IGF1R: variants seen among roughly 807,000 people sequenced by gnomAD.
IGF1R encodes the protein insulin like growth factor 1 receptor.
IGF1R carries 44 observed loss-of-function variants against 144.6 expected under a neutral mutation model. The observed-to-expected ratio is 0.30, with a 90% confidence interval of 0.24 to 0.39. The LOEUF (loss-of-function observed/expected upper bound fraction) is 0.39. IGF1R is among the 10% of genes least tolerant of loss of function. The probability of loss-of-function intolerance (pLI) is 1.00; values close to 1 mark genes in which losing one functional copy is unlikely to be tolerated. For missense variants in IGF1R, 1,355 were observed against 1,833.7 expected (o/e 0.74, Z 4.77); for synonymous variants, 795 against 722.8 (o/e 1.10, Z -1.60).
intron 4 of IGF1R, 107 bp downstream of exon 4, chr15:98,897,012 A>G: frequency 9.6e-7 from 1 of 1,039,104 alleles, no homozygotes; most frequent in African/African-American, 1.6e-5. Context: ...GGGCTTAGAT[A>G]AACAACATGG....
chr15:98,669,481 A>C (rs999603885), intron 1 of IGF1R, among the ~76,000 whole-genome samples: 3 of 152,124 alleles, frequency 2.0e-5, no homozygotes, highest in Non-Finnish European at 4.4e-5. Flanking sequence ...CTTTGTTAGA[A>C]CGTTGCCCTC....
At chr15:98,858,720 CA>C (rs2011974502) in intron 2 of IGF1R, among the ~76,000 whole-genome samples, 1 of 151,612 alleles carries the variant, frequency 6.6e-6, no homozygotes, top group Non-Finnish European at 1.5e-5. Flanking sequence ...CGCAGCAAAC[CA>C]GCACAGCACT....
In IGF1R at chr15:98,686,670, A is replaced by ATT. The variant is rs201014820; in HGVS notation, c.95-20879_95-20878dup. Among the ~76,000 whole-genome samples the ATT allele has an allele frequency of 3.5e-3, 514 of 145,738 alleles. 2 individuals carry two copies. Among genetic ancestry groups the ATT allele is most frequent in the African/African-American group, 0.011 (437 of 39,632 alleles). ...TTAGCAAATATCAATGAAGTATTTA[A>ATT]TTTTTTTTTTTTTTCTTAGAGACAG... On this transcript the variant is annotated intron_variant, in intron 1 of 20. Transcript: ENST00000650285.
At chr15:98,920,674 C>T (rs2151688621) in intron 10 of IGF1R, among the ~76,000 whole-genome samples, 1 of 152,296 alleles carries the variant, frequency 6.6e-6, no homozygotes, top group South Asian at 2.1e-4. Context: ...CATGTCCTTA[C>T]CCTTCCTCCC....
chr15:98,914,844 A>G (rs529710718), intron 8 of IGF1R, among the ~76,000 whole-genome samples: 2 of 152,344 alleles, frequency 1.3e-5, no homozygotes, highest in African/African-American at 2.4e-5. Flanking sequence ...GTAAGAATGT[A>G]TCTAGGAATG....
At chr15:98,953,920 C>G (rs2016876379) in intron 20 of IGF1R, among the ~76,000 whole-genome samples, 1 of 152,196 alleles carries the variant, frequency 6.6e-6, no homozygotes, top group African/African-American at 2.4e-5. Context: ...AGTAAGCTCA[C>G]TGAGGCACAC....
chr15:98,891,239 A>G lies in IGF1R; in HGVS notation c.641-86A>G. The G allele has an allele frequency of 7.9e-7, 1 of 1,268,202 alleles. No homozygotes were observed. The highest frequency in any genetic ancestry group is 1.3e-5 in the South Asian group (1 of 79,998). The allele number at this position is 1,268,202 out of a possible 1,614,324, so 78.6% of individuals were successfully genotyped here. A position where few individuals can be genotyped will look rare whatever the true frequency, so the allele number is the denominator to read the frequency against. ...GATCTGGTGCTGGTGGTAGCAGTGAATGACCCAGAAGGATGCTGGCCAGGC... is the reference window on the plus strand; with the variant it reads ...GATCTGGTGCTGGTGGTAGCAGTGAGTGACCCAGAAGGATGCTGGCCAGGC... On this transcript the variant is annotated intron_variant, in intron 2 of 20. Transcript: ENST00000650285. This position sits in a 1 kb window ranked among gnomAD's most constrained non-coding sequence, Gnocchi z 4.7.
At chr15:98,773,485 T>G (rs770360136) in intron 2 of IGF1R, among the ~76,000 whole-genome samples, 3 of 152,162 alleles carry the variant, frequency 2.0e-5, no homozygotes, top group Non-Finnish European at 4.4e-5. Context: ...GCACAAGGAT[T>G]AACACGGAGC....
At chr15:98,757,405 C>T (rs897262875) in intron 2 of IGF1R, among the ~76,000 whole-genome samples, 1 of 152,176 alleles carries the variant, frequency 6.6e-6, no homozygotes, top group African/African-American at 2.4e-5. Context: ...CTCAAATGAT[C>T]TGCCTGCCTT....
At chr15:98,943,401 CAG>C (rs1469170245) in intron 19 of IGF1R, among the ~76,000 whole-genome samples, 1 of 152,172 alleles carries the variant, frequency 6.6e-6, no homozygotes, top group Non-Finnish European at 1.5e-5. Context: ...TCTCAATAAA[CAG>C]ATACTGTCTG....
chr15:98,927,185 C>T (rs141613739), intron 13 of IGF1R, among the ~76,000 whole-genome samples: 1 of 152,198 alleles, frequency 6.6e-6, no homozygotes, highest in Admixed American at 6.5e-5. Flanking sequence ...GATGTTATCA[C>T]GTACTGCAGG....
chr15:98,707,722 G>A lies in IGF1R; in HGVS notation c.255G>A (p.Leu85=). The change falls in exon 2 of 21, where the codon TTG becomes TTA. Residue 85 remains leucine (L), a synonymous_variant. Coordinates refer to ENST00000650285, the MANE Select transcript of IGF1R (RefSeq NM_000875.5). This position sits in a 1 kb window ranked among gnomAD's most constrained non-coding sequence, Gnocchi z 6.7. ...FPKLTVITEY[L]LLFRVAGLES... ...AGCTCACGGTCATTACCGAGTACTT[G>A]CTGCTGTTCCGAGTGGCTGGCCTCG... 4 of 1,614,136 alleles carry A rather than the reference G, an allele frequency of 2.5e-6. No homozygotes were observed. The highest frequency in any genetic ancestry group is 3.4e-6 in the Non-Finnish European group (4 of 1,180,026).
At chr15:98,868,296 CAGCCTGGACA>C (rs2012567812) in intron 2 of IGF1R, among the ~76,000 whole-genome samples, 1 of 113,712 alleles carries the variant, frequency 8.8e-6, no homozygotes, top group Non-Finnish European at 1.6e-5. Flanking sequence ...CACTGCACTC[CAGCCTGGACA>C]ACAGAGTAAG....
At chr15:98,868,344 A>AAAAAAAGC (rs1555454784) in intron 2 of IGF1R, among the ~76,000 whole-genome samples, 1 of 132,802 alleles carries the variant, frequency 7.5e-6, no homozygotes, top group Non-Finnish European at 1.6e-5. Context: ...AAAAAAAAAA[A>AAAAAAAGC]GCCAAATCTG....
At chr15:98,746,629 G>C (rs2141324810) in intron 2 of IGF1R, among the ~76,000 whole-genome samples, 1 of 152,250 alleles carries the variant, frequency 6.6e-6, no homozygotes, top group East Asian at 1.9e-4. Flanking sequence ...TTTGCAGAAA[G>C]GAATATTTCC....
At chr15:98,899,341 G>A in intron 4 of IGF1R, 136 bp from the exon 5 acceptor site, 1 of 847,412 alleles carries the variant, frequency 1.2e-6, no homozygotes, top group Admixed American at 2.0e-5. Flanking sequence ...TTTTGTCAGG[G>A]AGCAGCCAGT....
chr15:98,786,570 T>C lies in IGF1R; in HGVS notation c.640+78463T>C, dbSNP rs147709955. ...ATGAATCAAAATCTATAAGCCTATT[T>C]CAGTCAAGTATTCTAAGGAACCTGG... On this transcript the variant is annotated intron_variant, in intron 2 of 20. Transcript: ENST00000650285. Among the ~76,000 whole-genome samples, 474 of 152,298 alleles carry C rather than the reference T, an allele frequency of 3.1e-3. 3 individuals are homozygous for C. Among genetic ancestry groups the C allele is most frequent in the African/African-American group, 0.011 (451 of 41,556 alleles).
At chr15:98,845,468 CCCCTCCTCCT>C (rs1163723743) in intron 2 of IGF1R, among the ~76,000 whole-genome samples, 4 of 108,246 alleles carry the variant, frequency 3.7e-5, no homozygotes, top group African/African-American at 1.1e-4. Context: ...CTTCTCCTGC[CCCCTCCTCCT>C]CCCTCCTCCT....
chr15:98,870,564 G>A (rs1368570945), intron 2 of IGF1R, among the ~76,000 whole-genome samples: 1 of 152,192 alleles, frequency 6.6e-6, no homozygotes, highest in African/African-American at 2.4e-5. Context: ...AAAGAAAACA[G>A]CCAGTGTGGT....
Sources: gnomAD v4.1 joint callset for allele counts (sites outside exome capture counted in the v4.1 genomes callset) on GRCh38, gnomAD v4.1.1 for gene constraint, Gnocchi (gnomAD v3.1) non-coding constraint, MANE v1.5 for transcripts, NCBI Gene and HGNC (gene_info 2026-07-23, HGNC 2026-07-21) for gene names.